Variants in CACHD1 observed in about 807,000 individuals in gnomAD.
The protein encoded by CACHD1 is VWFA and cache domain-containing protein 1.
A neutral mutation model predicts 138.7 loss-of-function variants in CACHD1; 71 were observed. The ratio of observed to expected loss-of-function variants is 0.51; its 90% CI spans 0.42 to 0.62. CACHD1 has a LOEUF of 0.62. Among genes scored for constraint, CACHD1 ranks in the 20% least tolerant of loss-of-function variants. The pLI, the probability that CACHD1 is intolerant of heterozygous loss-of-function variation, is 0.00. For missense variants in CACHD1, 1,389 were observed against 1,625.3 expected (o/e 0.85, Z 2.50); for synonymous variants, 578 against 591.5 (o/e 0.98, Z 0.33).
intron 7 of CACHD1, among the ~76,000 whole-genome samples, chr1:64,637,697 G>T (rs1648571705): frequency 6.6e-6 from 1 of 152,178 alleles, no homozygotes; most frequent in African/African-American, 2.4e-5. Flanking sequence ...ACTCAGAGGA[G>T]CCCTTTTTAG....
intron 4 of CACHD1, among the ~76,000 whole-genome samples, chr1:64,627,944 C>T (rs1648168051): frequency 6.6e-6 from 1 of 152,122 alleles, no homozygotes; most frequent in Non-Finnish European, 1.5e-5. Flanking sequence ...TGGTATTAAA[C>T]AAATGATATT....
chr1:64,691,501 T>G lies in CACHD1; in HGVS notation c.3765T>G (p.Leu1255=). ...FHHYRSHHPT[L]HHSHHLQAAV... ...ACTACCGGTCACACCACCCTACACTTCATCATAGCCACCACTTACAGGCGG... is the reference window on the plus strand; with the variant it reads ...ACTACCGGTCACACCACCCTACACTGCATCATAGCCACCACTTACAGGCGG... The change falls in exon 27 of 27, where the codon CTT becomes CTG. Residue 1255 remains leucine, a synonymous_variant. Coordinates refer to ENST00000651257, the MANE Select transcript of CACHD1 (RefSeq NM_020925.4). 6.2e-7 allele frequency: 1 copy of G among 1,613,986 alleles called. No homozygotes were observed. Among genetic ancestry groups the G allele is most frequent in the Non-Finnish European group, 8.5e-7 (1 of 1,179,984 alleles).
At chr1:64,655,255 A>G (rs979975006) in intron 12 of CACHD1, among the ~76,000 whole-genome samples, 1 of 152,132 alleles carries the variant, frequency 6.6e-6, no homozygotes, top group African/African-American at 2.4e-5. Flanking sequence ...CCTTCCTTTG[A>G]CTTTTCATTC....
intron 1 of CACHD1, among the ~76,000 whole-genome samples, chr1:64,541,361 T>G: frequency 6.9e-6 from 1 of 145,984 alleles, no homozygotes; most frequent in Middle Eastern, 3.5e-3. Flanking sequence ...ACAATATTGG[T>G]TTTTATGGAG....
intron 4 of CACHD1, among the ~76,000 whole-genome samples, chr1:64,615,077 A>G (rs1218148625): frequency 2.0e-5 from 3 of 152,196 alleles, no homozygotes; most frequent in East Asian, 3.9e-4. Flanking sequence ...ATTTCTTCAG[A>G]ATCACCCACC....
Position 64,663,684 on chromosome 1 carries a change from T to C in CACHD1, c.1952-11T>C. The stretch of plus-strand genomic sequence containing the variant: ...GCATTCTCAGGCCTGCTTTGTTTGC[T>C]TCTCTTTCAGAAAGTCCCACCATCA... On this transcript the variant is annotated splice_polypyrimidine_tract_variant and intron_variant, in intron 13 of 26. Transcript: ENST00000651257. 1 of 1,614,102 alleles carries C rather than the reference T, an allele frequency of 6.2e-7. No homozygotes were observed.
rs183255484 is a variant in CACHD1, at chr1:64,632,422, A to G, written c.645-177A>G. Among the ~76,000 whole-genome samples, 258 of 152,234 alleles carry G rather than the reference A, an allele frequency of 1.7e-3. 3 individuals are homozygous for G. The highest frequency in any genetic ancestry group is 1.0e-3 in the Non-Finnish European group (70 of 68,022). ...ACAGACACACCTTGTTGTCTTAAGT[A>G]TTATTTTCAATGCACCAATATGGTT... On this transcript the variant is annotated intron_variant, in intron 5 of 26. Transcript: ENST00000651257.
chr1:64,541,428 A>G (rs1392456764), intron 1 of CACHD1, among the ~76,000 whole-genome samples: 1 of 152,204 alleles, frequency 6.6e-6, no homozygotes, highest in African/African-American at 2.4e-5. Context: ...TTTGTAATGG[A>G]CATATTACTT....
In CACHD1 at chr1:64,470,372, G is replaced by T. The variant is rs1370743961; in HGVS notation, c.-373G>T. 6.6e-6 allele frequency among the ~76,000 whole-genome samples: 1 copy of T among 151,702 alleles called. No individual in the cohort carries two copies. Among genetic ancestry groups the T allele is most frequent in the African/African-American group, 2.4e-5 (1 of 41,406 alleles). ...GCAGGAAGCGAGAGCCGCGCGGCTC[G>T]GCTCGGGCTCCGACTCCGACTCCGA... On this transcript the variant is annotated 5_prime_UTR_variant, in exon 1 of 27. Coordinates refer to ENST00000651257, the MANE Select transcript of CACHD1 (RefSeq NM_020925.4). This position sits in a 1 kb window ranked among gnomAD's most constrained non-coding sequence, Gnocchi z 5.2.
At chr1:64,625,099 G>T (rs746483092) in intron 4 of CACHD1, among the ~76,000 whole-genome samples, 1 of 152,178 alleles carries the variant, frequency 6.6e-6, no homozygotes, top group South Asian at 2.1e-4. Context: ...GAAGTTGGTC[G>T]ATCACTGTAC....
intron 1 of CACHD1, among the ~76,000 whole-genome samples, chr1:64,519,732 G>A (rs1646484569): frequency 8.1e-5 from 2 of 24,810 alleles, no homozygotes; most frequent in Non-Finnish European, 4.2e-4. Flanking sequence ...CACATTTTGA[G>A]TTTTTTTCTT....
chr1:64,485,913 A>G (rs1646239088), intron 1 of CACHD1, among the ~76,000 whole-genome samples: 1 of 152,156 alleles, frequency 6.6e-6, no homozygotes, highest in Admixed American at 6.5e-5. Context: ...TGTTAAGTGT[A>G]TGTTAAACTT....
At chr1:64,477,602 T>C (rs61784546) in intron 1 of CACHD1, among the ~76,000 whole-genome samples, 2,457 of 144,210 alleles carry the variant, frequency 0.017, 25 homozygotes, top group Non-Finnish European at 0.026. Context: ...TTATTATTAT[T>C]ATTATTATTA....
At chr1:64,601,380 G>A (rs1647212639) in intron 3 of CACHD1, among the ~76,000 whole-genome samples, 1 of 152,166 alleles carries the variant, frequency 6.6e-6, no homozygotes, top group African/African-American at 2.4e-5. Context: ...CTCCATCTGT[G>A]GCTTCTGAGG....
intron 1 of CACHD1, among the ~76,000 whole-genome samples, chr1:64,540,488 C>T (rs117513292): frequency 6.6e-6 from 1 of 152,122 alleles, no homozygotes; most frequent in Admixed American, 6.5e-5. Context: ...CGGACTCTTT[C>T]CAACATGTGG....
intron 4 of CACHD1, among the ~76,000 whole-genome samples, chr1:64,627,498 C>A (rs1648150867): frequency 6.6e-6 from 1 of 152,024 alleles, no homozygotes; most frequent in Non-Finnish European, 1.5e-5. Flanking sequence ...TTCTGAGTGC[C>A]AAGGAGACAG....
chr1:64,484,999 A>G (rs1646233439), intron 1 of CACHD1, among the ~76,000 whole-genome samples: 1 of 152,186 alleles, frequency 6.6e-6, no homozygotes, highest in Admixed American at 6.5e-5. Context: ...CCCAGAAATG[A>G]AATTGCTAGA....
intron 4 of CACHD1, among the ~76,000 whole-genome samples, chr1:64,606,412 A>G (rs142635587): frequency 1.1e-4 from 16 of 152,274 alleles, no homozygotes; most frequent in Non-Finnish European, 1.8e-4. Flanking sequence ...GTGTGCTTGG[A>G]AACTGCAAGA....
intron 23 of CACHD1, among the ~76,000 whole-genome samples, chr1:64,679,185 G>A (rs1049336586): frequency 2.6e-5 from 4 of 152,138 alleles, no homozygotes; most frequent in Admixed American, 6.5e-5. Flanking sequence ...AACTTGATCC[G>A]GTTAGCGCAT....
Sources: gnomAD v4.1 joint callset for allele counts (sites outside exome capture counted in the v4.1 genomes callset) on GRCh38, gnomAD v4.1.1 for gene constraint, Gnocchi (gnomAD v3.1) non-coding constraint, MANE v1.5 for transcripts, NCBI Gene and HGNC (gene_info 2026-07-23, HGNC 2026-07-21) for gene names.